Variants in PFKFB3 observed in about 807,000 individuals in gnomAD.
PFKFB3 encodes the protein 6-phosphofructo-2-kinase/fructose-2,6-bisphosphatase 3.
A neutral mutation model predicts 68.0 loss-of-function variants in PFKFB3; 33 were observed. That is an observed-to-expected ratio of 0.49 (90% CI 0.37 to 0.65). The LOEUF is 0.65. Ranked by LOEUF, PFKFB3 falls within the 30% of genes least tolerant of loss-of-function variation. The pLI, the probability that PFKFB3 is intolerant of heterozygous loss-of-function variation, is 0.00. For missense variants in PFKFB3, 586 were observed against 712.2 expected, an observed-to-expected ratio of 0.82 and a Z score of 2.02; for synonymous variants, 315 against 288.2, an observed-to-expected ratio of 1.09 and a Z score of -0.94.
chr10:6,173,502 G>A (rs1272404154), intron 1 of PFKFB3, among the ~76,000 whole-genome samples: 2 of 152,158 alleles, frequency 1.3e-5, no homozygotes, highest in African/African-American at 2.4e-5. Context: ...AGGGTGTGGC[G>A]GGAAACACAC....
intron 14 of PFKFB3, among the ~76,000 whole-genome samples, chr10:6,252,362 A>ACTTG (rs1449892803): frequency 6.6e-6 from 1 of 152,218 alleles, no homozygotes; most frequent in African/African-American, 2.4e-5. Context: ...AATAGTGTAT[A>ACTTG]CTTGTGGATT....
the PFKFB3 span, among the ~76,000 whole-genome samples, chr10:6,308,712 GTTAATCTGTTACA>G: frequency 2.0e-5 from 3 of 152,234 alleles, no homozygotes; most frequent in South Asian, 6.2e-4. Flanking sequence ...TATACTGTGA[GTTAATCTGTTACA>G]CCCATGACAG....
chr10:6,180,076 C>T (rs960796663), intron 1 of PFKFB3, among the ~76,000 whole-genome samples: 2 of 151,786 alleles, frequency 1.3e-5, no homozygotes, highest in Non-Finnish European at 2.9e-5. Flanking sequence ...GGCTCGGTGG[C>T]GCTCGCGTGT....
At chr10:6,210,581 A>ATCTCC (rs1564623698) in intron 1 of PFKFB3, among the ~76,000 whole-genome samples, 11 of 52,500 alleles carry the variant, frequency 2.1e-4, no homozygotes, top group Admixed American at 4.2e-4. Context: ...GATAGTCTTG[A>ATCTCC]TAGTGTTTTT....
intron 1 of PFKFB3, among the ~76,000 whole-genome samples, chr10:6,147,095 C>G (rs908908834): frequency 1.3e-5 from 2 of 152,132 alleles, no homozygotes; most frequent in African/African-American, 4.8e-5. Context: ...GTGGGAACTG[C>G]AGGGAGCCAG....
At chr10:6,216,226 G>A in intron 4 of PFKFB3, 35 bp downstream of exon 4, 3 of 1,592,372 alleles carry the variant, frequency 1.9e-6, no homozygotes, top group African/African-American at 2.7e-5. Context: ...TCGGTGTCCA[G>A]TCCCACCCAT....
rs779191823 is a variant in PFKFB3, at chr10:6,149,287, TAATAATA to T, written c.16+4280_16+4286del. Among the ~76,000 whole-genome samples, 430 of 152,150 alleles carry T rather than the reference TAATAATA, an allele frequency of 2.8e-3. 1 individual carries two copies. The highest frequency in any genetic ancestry group is 5.1e-3 in the Non-Finnish European group (346 of 68,000). ...ACAAGGGAATAGCAGGTGAAAGTTC[TAATAATA>T]AATAACAATAAGGCCGGGTGCGGTG... is the stretch of plus-strand genomic sequence containing the variant. On this transcript the variant is annotated intron_variant, in intron 1 of 14. Transcript: ENST00000379789.
At chr10:6,182,867 C>T (rs1417485503) in intron 1 of PFKFB3, among the ~76,000 whole-genome samples, 1 of 152,224 alleles carries the variant, frequency 6.6e-6, no homozygotes, top group Non-Finnish European at 1.5e-5. Flanking sequence ...CCAGACAGAG[C>T]AGTGCCCTTC....
intron 1 of PFKFB3, among the ~76,000 whole-genome samples, chr10:6,169,777 G>A (rs578206025): frequency 6.6e-6 from 1 of 152,198 alleles, no homozygotes; most frequent in Non-Finnish European, 1.5e-5. Context: ...ATATATGGGA[G>A]TGGCCAGGAG....
At chr10:6,226,705 C>G (rs890459134) in intron 14 of PFKFB3, among the ~76,000 whole-genome samples, 1 of 152,190 alleles carries the variant, frequency 6.6e-6, no homozygotes, top group African/African-American at 2.4e-5. Flanking sequence ...AAGACCCGTT[C>G]ACGTTCGTGA....
chr10:6,227,356 C>T (rs756104025), intron 14 of PFKFB3, among the ~76,000 whole-genome samples: 3 of 152,156 alleles, frequency 2.0e-5, no homozygotes, highest in Non-Finnish European at 4.4e-5. Flanking sequence ...GTGCAGCTTC[C>T]GGTCAGGTTT....
rs1841689992 is a variant in PFKFB3 at position 6,154,104 on chromosome 10, G to C, written c.16+9091G>C. ...GGCCAGCACCGCTTCTGCAGGGTGAGAGGGTGGAAGCCAGGTGGACACAGG... is the reference window on the plus strand; with the variant it reads ...GGCCAGCACCGCTTCTGCAGGGTGACAGGGTGGAAGCCAGGTGGACACAGG... On this transcript the variant is annotated intron_variant, in intron 1 of 14. Transcript: ENST00000379789. The surrounding 1 kb of genome is among the most constrained non-coding windows in gnomAD (Gnocchi z 4.6). Among the ~76,000 whole-genome samples the C allele has an allele frequency of 6.6e-6, 1 of 152,174 alleles. No individual in the cohort carries two copies. Among genetic ancestry groups the C allele is most frequent in the Admixed American group, 6.5e-5 (1 of 15,268 alleles).
At chr10:6,252,104 C>T (rs901427714) in intron 14 of PFKFB3, among the ~76,000 whole-genome samples, 4 of 152,236 alleles carry the variant, frequency 2.6e-5, no homozygotes, top group Non-Finnish European at 5.9e-5. Flanking sequence ...GTGTAACTGG[C>T]TGCAAGAACC....
At position 6,213,807 on chromosome 10, in the gene PFKFB3, A is replaced by G. The variant is rs1844390100; in HGVS notation, c.202+59A>G. On this transcript the variant is annotated intron_variant, in intron 2 of 14. Transcript: ENST00000379775. ...GTGCAAAAACTTGACCTTCCATCTC[A>G]GTTGCTGGTTTCACAGGCAGGACCA... 4 of 1,577,720 alleles carry G rather than the reference A, an allele frequency of 2.5e-6. No homozygotes were observed. In the African/African-American group the frequency reaches 5.4e-5, roughly 21 times the overall value.
intron 1 of PFKFB3, among the ~76,000 whole-genome samples, chr10:6,176,425 A>C (rs754203433): frequency 2.6e-5 from 4 of 152,136 alleles, no homozygotes; most frequent in Non-Finnish European, 4.4e-5. Context: ...TAATTGTGCA[A>C]GAGATGGGGT....
chr10:6,221,721 C>A lies in PFKFB3; in HGVS notation c.1059C>A (p.Tyr353Ter). ...EEYALREQDKYYYRYPTGESY... is the reference protein window; with the variant it reads ...EEYALREQDK ...ATGCGCTGCGGGAGCAGGACAAGTA[C>A]TATTACCGCTACCCCACCGGGGAGG... is the stretch of plus-strand genomic sequence containing the variant. The change falls in exon 10 of 15, where the codon TAC becomes TAA. Residue 353 changes from tyrosine to a stop codon, truncating the protein, a stop_gained. Coordinates refer to ENST00000379775, the MANE Select transcript of PFKFB3 (RefSeq NM_004566.4). LOFTEE classifies it high-confidence loss of function. 1 of 1,604,560 alleles carries A rather than the reference C, an allele frequency of 6.2e-7. No homozygotes were observed. The highest frequency in any genetic ancestry group is 1.3e-5 in the African/African-American group (1 of 74,988).
the PFKFB3 span, among the ~76,000 whole-genome samples, chr10:6,304,959 G>A: frequency 4.7e-5 from 6 of 127,348 alleles, no homozygotes; most frequent in Non-Finnish European, 6.4e-5. Context: ...TGGGATTACA[G>A]GCATGAGCCA....
At chr10:6,272,271 G>C in the PFKFB3 span, among the ~76,000 whole-genome samples, 1 of 152,180 alleles carries the variant, frequency 6.6e-6, no homozygotes, top group African/African-American at 2.4e-5. Flanking sequence ...ATGGTCTCCT[G>C]TGTCCCTCCC....
At position 6,157,301 on chromosome 10, in the gene PFKFB3, A is replaced by T. The variant is rs373701791; in HGVS notation, c.16+12288A>T. Reference sequence around the variant, plus strand: ...GAGTGCAGTGGCGCGATCTCGGCTCACTGCAAGCTCCACCTCCTGGGTTCA... The same window carrying T: ...GAGTGCAGTGGCGCGATCTCGGCTCTCTGCAAGCTCCACCTCCTGGGTTCA... On this transcript the variant is annotated intron_variant, in intron 1 of 14. Transcript: ENST00000379789. Among the ~76,000 whole-genome samples the T allele has an allele frequency of 8.0e-4, 120 of 149,944 alleles. 2 individuals are homozygous for T. The East Asian group carries it at 0.02, about 25-fold the overall frequency.
Sources: gnomAD v4.1 joint callset for allele counts (sites outside exome capture counted in the v4.1 genomes callset) on GRCh38, gnomAD v4.1.1 for gene constraint, Gnocchi (gnomAD v3.1) non-coding constraint, MANE v1.5 for transcripts, NCBI Gene and HGNC (gene_info 2026-07-23, HGNC 2026-07-21) for gene names.